Variants in RBFOX1 observed in about 807,000 individuals in gnomAD.
RBFOX1 encodes the protein RNA binding fox-1 homolog 1.
RBFOX1 carries 8 observed loss-of-function variants against 57.7 expected under a neutral mutation model. The observed-to-expected ratio is 0.14, with a 90% confidence interval of 0.08 to 0.25. RBFOX1 has a LOEUF of 0.25. RBFOX1 is among the 10% of genes least tolerant of loss of function. The probability of loss-of-function intolerance (pLI) is 1.00; values close to 1 mark genes in which losing one functional copy is unlikely to be tolerated. For missense variants in RBFOX1, 611 were observed against 548.5 expected (o/e 1.11, Z -1.14); for synonymous variants, 326 against 222.4 (o/e 1.47, Z -4.15).
At chr16:5,550,501 C>T (rs1326404748) in intron 2 of RBFOX1, among the ~76,000 whole-genome samples, 1 of 152,088 alleles carries the variant, frequency 6.6e-6, no homozygotes, top group Non-Finnish European at 1.5e-5. Flanking sequence ...CTCCCTTGAC[C>T]CAGAACTGAG....
At position 7,676,972 on chromosome 16, in the gene RBFOX1, G is replaced by A. The variant is rs2073459643; in HGVS notation, c.995+134G>A. On this transcript the variant is annotated intron_variant, in intron 14 of 15. Coordinates refer to ENST00000550418, the MANE Select transcript of RBFOX1 (RefSeq NM_018723.4). ...TAGCACCCCAAAAGTTAGGTCCCAT[G>A]GTGAACGTGAACTCAAGTCCCCATA... 4 of 812,110 alleles carry A rather than the reference G, an allele frequency of 4.9e-6. No individual in the cohort carries two copies. In the Middle Eastern group the frequency reaches 8.4e-4, roughly 171 times the overall value. 50.3% of individuals were successfully genotyped at this position (812,110 alleles called of 1,614,324 possible).
At chr16:6,153,468 T>C (rs2096814824) in intron 1 of RBFOX1, among the ~76,000 whole-genome samples, 1 of 152,212 alleles carries the variant, frequency 6.6e-6, no homozygotes, top group African/African-American at 2.4e-5. Flanking sequence ...TATATTCAAA[T>C]GAACAGGCTA....
intron 2 of RBFOX1, among the ~76,000 whole-genome samples, chr16:6,507,754 A>G (rs1032990346): frequency 6.6e-6 from 1 of 152,092 alleles, no homozygotes; most frequent in Non-Finnish European, 1.5e-5. Context: ...CACTTATATA[A>G]AGTATCTAAA....
chr16:7,146,130 A>G (rs1436074436), intron 4 of RBFOX1, among the ~76,000 whole-genome samples: 3 of 152,186 alleles, frequency 2.0e-5, no homozygotes, highest in African/African-American at 7.2e-5. Flanking sequence ...GTCTAGGTTA[A>G]GGGATGAGCA....
chr16:5,982,402 G>A (rs2060191995), intron 4 of RBFOX1, among the ~76,000 whole-genome samples: 1 of 152,000 alleles, frequency 6.6e-6, no homozygotes, highest in Non-Finnish European at 1.5e-5. Flanking sequence ...AGCCTCCCAA[G>A]TAGCTGGGAT....
intron 3 of RBFOX1, among the ~76,000 whole-genome samples, chr16:7,045,205 G>T (rs368484523): frequency 3.3e-5 from 5 of 152,286 alleles, no homozygotes; most frequent in African/African-American, 1.2e-4. Flanking sequence ...AAAGGGGTTG[G>T]CAGTAGGTGG....
At chr16:6,885,116 G>C (rs1019395509) in intron 3 of RBFOX1, among the ~76,000 whole-genome samples, 1 of 152,066 alleles carries the variant, frequency 6.6e-6, no homozygotes, top group African/African-American at 2.4e-5. Context: ...TGACTGAAAC[G>C]GAAGGAGGAA....
intron 3 of RBFOX1, among the ~76,000 whole-genome samples, chr16:5,635,413 T>A (rs1274170237): frequency 6.6e-6 from 1 of 152,224 alleles, no homozygotes; most frequent in Non-Finnish European, 1.5e-5. Context: ...CCTGGTGGCC[T>A]CCATTCCTCA....
At chr16:7,154,233 CTTCA>C (rs2076650285) in intron 4 of RBFOX1, among the ~76,000 whole-genome samples, 1 of 152,170 alleles carries the variant, frequency 6.6e-6, no homozygotes, top group Admixed American at 6.6e-5. Flanking sequence ...CTTGGAGGAT[CTTCA>C]TTCAGTCGGA....
intron 3 of RBFOX1, among the ~76,000 whole-genome samples, chr16:7,027,680 T>G (rs951559236): frequency 2.6e-4 from 40 of 152,152 alleles, no homozygotes; most frequent in African/African-American, 9.2e-4. Flanking sequence ...CAGGGAAGGT[T>G]TCCAGACAGA....
intron 2 of RBFOX1, among the ~76,000 whole-genome samples, chr16:6,375,103 C>G (rs925012636): frequency 1.3e-5 from 2 of 152,110 alleles, no homozygotes; most frequent in East Asian, 3.9e-4. Flanking sequence ...AGTGTGTGCA[C>G]AGGGAGTATC....
downstream of RBFOX1, among the ~76,000 whole-genome samples, chr16:5,602,375 C>T (rs955761803): frequency 4.6e-5 from 7 of 152,166 alleles, no homozygotes; most frequent in African/African-American, 1.7e-4. Context: ...ATTGTAGTAG[C>T]ACAAATAATT....
chr16:6,781,121 G>T (rs1245353341), intron 3 of RBFOX1, among the ~76,000 whole-genome samples: 2 of 152,048 alleles, frequency 1.3e-5, no homozygotes, highest in African/African-American at 4.8e-5. Flanking sequence ...AGCTTCATTG[G>T]TCCAGGTCTT....
chr16:6,066,176 C>T (rs1375302744), intron 1 of RBFOX1, among the ~76,000 whole-genome samples: 17 of 151,674 alleles, frequency 1.1e-4, no homozygotes, highest in Admixed American at 1.1e-3. Flanking sequence ...TGCCTGTAGT[C>T]CCAGCTACTT....
At chr16:6,881,553 A>G (rs1021469986) in intron 3 of RBFOX1, among the ~76,000 whole-genome samples, 2 of 152,172 alleles carry the variant, frequency 1.3e-5, no homozygotes, top group African/African-American at 2.4e-5. Context: ...CCAAACATGC[A>G]TACTCCTCTT....
chr16:5,796,794 G>A (rs1208507467), intron 3 of RBFOX1, among the ~76,000 whole-genome samples: 3 of 152,166 alleles, frequency 2.0e-5, no homozygotes, highest in East Asian at 1.9e-4. Context: ...GCTTCCAAAC[G>A]TGGTGTTCTC....
intron 4 of RBFOX1, among the ~76,000 whole-genome samples, chr16:7,508,779 C>T (rs910381193): frequency 6.6e-6 from 1 of 152,170 alleles, no homozygotes; most frequent in African/African-American, 2.4e-5. Flanking sequence ...CTCTTCCACC[C>T]TCACCTCCTC....
At chr16:6,538,142 A>G (rs1038340593) in intron 2 of RBFOX1, among the ~76,000 whole-genome samples, 4 of 152,156 alleles carry the variant, frequency 2.6e-5, no homozygotes, top group African/African-American at 9.7e-5. Context: ...ATGCTGTGCA[A>G]TGATTACCTC....
chr16:5,463,131 C>T (rs187612530), intron 1 of RBFOX1, among the ~76,000 whole-genome samples: 210 of 152,268 alleles, frequency 1.4e-3, no homozygotes, highest in African/African-American at 4.6e-3. Flanking sequence ...ACACGTCAAC[C>T]TTGCATCCCT....
Sources: gnomAD v4.1 joint callset for allele counts (sites outside exome capture counted in the v4.1 genomes callset) on GRCh38, gnomAD v4.1.1 for gene constraint, MANE v1.5 for transcripts, NCBI Gene and HGNC (gene_info 2026-07-23, HGNC 2026-07-21) for gene names.